Variants in USP25 observed in about 807,000 individuals in gnomAD.
USP25 encodes ubiquitin specific peptidase 25, also known as ubiquitin carboxyl-terminal hydrolase 25.
USP25 carries 85 observed loss-of-function variants against 158.5 expected under a neutral mutation model. The observed-to-expected ratio is 0.54, with a 90% CI of 0.45 to 0.64. The LOEUF (loss-of-function observed/expected upper bound fraction) is 0.64, where lower values mean the gene tolerates loss of function less well. Among genes scored for constraint, USP25 ranks in the 30% least tolerant of loss-of-function variants. The probability of loss-of-function intolerance (pLI) is 0.00; values close to 1 mark genes in which losing one functional copy is unlikely to be tolerated. For synonymous variants in USP25, 464 were observed against 460.4 expected (o/e 1.01, Z -0.10); for missense variants, 1,242 against 1,327.3 (o/e 0.94, Z 1.00).
chr21:15,730,405 GC>G lies in USP25; in HGVS notation c.13del (p.Gln5ArgfsTer17). MTVE[Q>X]NVLQQSAAQK... ...CCGCCGCGGGGGCCATGACCGTGGA[GC>G]AGAACGTGCTGCAGCAGAGCGCGGC... On this transcript the variant is annotated frameshift_variant, in exon 1 of 26. Coordinates refer to ENST00000400183, the MANE Select transcript of USP25 (RefSeq NM_001283041.3). LOFTEE classifies it high-confidence loss of function. 7.5e-7 allele frequency: 1 copy of G among 1,340,852 alleles called. No homozygotes were observed. The allele number at this position is 1,340,852 out of a possible 1,614,324, so 83.1% of individuals were successfully genotyped here.
chr21:15,868,176 TA>T (rs2039738055), intron 22 of USP25, among the ~76,000 whole-genome samples: 1 of 152,198 alleles, frequency 6.6e-6, no homozygotes, highest in Non-Finnish European at 1.5e-5. Flanking sequence ...GACTCCTGTG[TA>T]AAGCTGTTTA....
rs1293507539 is a variant in USP25 at position 15,751,910 on chromosome 21, T to TGGG, written c.46-10979_46-10977dup. Among the ~76,000 whole-genome samples, 8 of 152,314 alleles carry TGGG rather than the reference T, an allele frequency of 5.3e-5. No individual in the cohort carries two copies. The East Asian group carries it at 1.5e-3, about 29-fold the overall frequency. On this transcript the variant is annotated intron_variant, in intron 1 of 25. Coordinates refer to ENST00000400183, the MANE Select transcript of USP25 (RefSeq NM_001283041.3). The stretch of plus-strand genomic sequence containing the variant: ...TATTTTATCTACTAATTAATAGGGA[T>TGGG]GGGGAATACTCTTTTACATTGTAAT...
rs143262192 is a variant in USP25, at chr21:15,842,415, C to A, written c.2212C>A (p.Pro738Thr). Residue 738 changes from proline (P) to threonine (T), a missense_variant, in exon 18 of 26, where the codon CCA becomes ACA. Coordinates refer to ENST00000400183, the MANE Select transcript of USP25 (RefSeq NM_001283041.3). The stretch of plus-strand genomic sequence containing the variant: ...TCATGAAGCACAAGCAGCAGGAGAC[C>A]CAGAATATCTAGAGCAGCCATCAAG... ...SVTTAQAAGD[P>T]EYLEQPSRSD... 8.4e-5 allele frequency: 135 copies of A among 1,613,054 alleles called. No homozygotes were observed. In the African/African-American group the frequency reaches 1.7e-3, roughly 20 times the overall value.
chr21:15,849,921 C>G lies in USP25; in HGVS notation c.2547+49C>G, dbSNP rs560671769. ...GTGTCTTTTCTTTTTCAAAATTAAACTTCTTAAAATATTTTATTTCTTTGA... is the reference window on the plus strand; with the variant it reads ...GTGTCTTTTCTTTTTCAAAATTAAAGTTCTTAAAATATTTTATTTCTTTGA... On this transcript the variant is annotated intron_variant, in intron 20 of 25. Transcript: ENST00000400183. 1.8e-5 allele frequency: 24 copies of G among 1,322,426 alleles called. No individual in the cohort carries two copies. In the East Asian group the frequency reaches 5.9e-4, roughly 33 times the overall value. 81.9% of individuals were successfully genotyped at this position (1,322,426 alleles called of 1,614,324 possible).
At chr21:15,791,479 A>AT (rs1285870075) in intron 4 of USP25, 23 bp from the exon 5 acceptor site, 4 of 1,588,994 alleles carry the variant, frequency 2.5e-6, no homozygotes, top group Non-Finnish European at 1.7e-6. Context: ...ATAATGCTGC[A>AT]TTTTTTTCCA....
At chr21:15,852,960 C>T (rs1020460280) in intron 20 of USP25, among the ~76,000 whole-genome samples, 1 of 152,022 alleles carries the variant, frequency 6.6e-6, no homozygotes, top group African/African-American at 2.4e-5. Flanking sequence ...TAATATGTCA[C>T]CTTAAAAATT....
At position 15,754,274 on chromosome 21, in the gene USP25, G is replaced by GATA. The variant is rs1278220262; in HGVS notation, c.46-8615_46-8613dup. Among the ~76,000 whole-genome samples the GATA allele has an allele frequency of 2.0e-5, 3 of 152,166 alleles. No homozygotes were observed. In the East Asian group the frequency reaches 5.8e-4, roughly 29 times the overall value. ...ATTAGTTAGTGCCTCTTTTCTGTGG[G>GATA]ATAAGCTTGTCTTGTGATATGGCTT... On this transcript the variant is annotated intron_variant, in intron 1 of 25. Coordinates refer to ENST00000400183, the MANE Select transcript of USP25 (RefSeq NM_001283041.3).
rs374628653 is a variant in USP25, at chr21:15,778,045, A to G, written c.392+18A>G. On this transcript the variant is annotated intron_variant, in intron 4 of 25. Transcript: ENST00000400183. ...ATTAGCAGGTAAAAACATAATTTGTATAAAGCAGATATAAGTACTTTTAAA... is the reference window on the plus strand; with the variant it reads ...ATTAGCAGGTAAAAACATAATTTGTGTAAAGCAGATATAAGTACTTTTAAA... The G allele has an allele frequency of 5.1e-6, 8 of 1,578,750 alleles. No homozygotes were observed. Among genetic ancestry groups the G allele is most frequent in the East Asian group, 2.3e-5 (1 of 44,348 alleles).
intron 1 of USP25, among the ~76,000 whole-genome samples, chr21:15,760,619 A>C (rs1328440759): frequency 2.0e-5 from 3 of 152,258 alleles, no homozygotes; most frequent in Admixed American, 6.5e-5. Flanking sequence ...TATTTTATAC[A>C]TAAATTGTCA....
At chr21:15,842,956 C>G (rs1366044480) in intron 18 of USP25, among the ~76,000 whole-genome samples, 2 of 151,924 alleles carry the variant, frequency 1.3e-5, no homozygotes, top group Non-Finnish European at 2.9e-5. Flanking sequence ...AACAATAAAA[C>G]TACTAGATAC....
chr21:15,738,454 A>G (rs1015733889), intron 1 of USP25, among the ~76,000 whole-genome samples: 14 of 152,152 alleles, frequency 9.2e-5, no homozygotes, highest in African/African-American at 3.1e-4. Flanking sequence ...TATCTCTTGT[A>G]TGGTTTATAA....
At chr21:15,854,387 G>C (rs754374734) in intron 20 of USP25, among the ~76,000 whole-genome samples, 2 of 151,890 alleles carry the variant, frequency 1.3e-5, no homozygotes, top group Non-Finnish European at 2.9e-5. Flanking sequence ...CTTGTGATCT[G>C]CCCTCTTCGG....
At chr21:15,832,884 G>C (rs1322596597) in intron 16 of USP25, among the ~76,000 whole-genome samples, 1 of 152,062 alleles carries the variant, frequency 6.6e-6, no homozygotes, top group African/African-American at 2.4e-5. Context: ...CGGGCTTGGT[G>C]GTGGGCACCT....
At chr21:15,791,285 G>T (rs2035576175) in intron 4 of USP25, among the ~76,000 whole-genome samples, 1 of 151,760 alleles carries the variant, frequency 6.6e-6, no homozygotes, top group South Asian at 2.1e-4. Flanking sequence ...GCCATTTTAT[G>T]TTTGAAATTT....
intron 20 of USP25, among the ~76,000 whole-genome samples, chr21:15,861,634 A>G (rs959416208): frequency 6.6e-6 from 1 of 152,164 alleles, no homozygotes; most frequent in Non-Finnish European, 1.5e-5. Flanking sequence ...TGATTCCAGT[A>G]TATTTTAAAA....
At chr21:15,793,439 T>C (rs1397816780) in intron 5 of USP25, among the ~76,000 whole-genome samples, 1 of 148,436 alleles carries the variant, frequency 6.7e-6, no homozygotes, top group Non-Finnish European at 1.5e-5. Flanking sequence ...TTCTAGCTTT[T>C]CTTTTTAGCT....
intron 1 of USP25, among the ~76,000 whole-genome samples, chr21:15,746,606 CA>C (rs1017456607): frequency 6.6e-6 from 1 of 151,848 alleles, no homozygotes; most frequent in Non-Finnish European, 1.5e-5. Flanking sequence ...GTGTTATAGC[CA>C]GGATAGTCTT....
In USP25 at chr21:15,879,665, C is replaced by A. The variant is rs1341383253; in HGVS notation, c.*1190C>A. 3.9e-5 allele frequency: 6 copies of A among 152,426 alleles called. No individual in the cohort carries two copies. The highest frequency in any genetic ancestry group is 7.4e-5 in the Non-Finnish European group (5 of 67,938). The allele number at this position is 152,426 out of a possible 1,614,324, so 9.4% of individuals were successfully genotyped here. ...CCTATTTTTGAATTCATAAAAATTT[C>A]TTTATAAATGATGTTTTGTGAACAT... is the stretch of plus-strand genomic sequence containing the variant. On this transcript the variant is annotated 3_prime_UTR_variant, in exon 26 of 26. Coordinates refer to ENST00000400183, the MANE Select transcript of USP25 (RefSeq NM_001283041.3).
chr21:15,831,067 A>G (rs2146387847), intron 15 of USP25, among the ~76,000 whole-genome samples: 1 of 152,302 alleles, frequency 6.6e-6, no homozygotes, highest in Admixed American at 6.5e-5. Context: ...AGATGTAGAC[A>G]CATTTGCTAT....
Sources: allele counts gnomAD v4.1 joint callset (sites outside exome capture counted in the v4.1 genomes callset), GRCh38; gene constraint gnomAD v4.1.1; transcripts MANE v1.5; gene names NCBI Gene and HGNC (gene_info 2026-07-23, HGNC 2026-07-21).